TRPM3: variants seen among roughly 807,000 people sequenced by gnomAD.
The protein encoded by TRPM3 is transient receptor potential cation channel subfamily M member 3.
Under a neutral mutation model 181.2 loss-of-function variants are expected in TRPM3, and 77 were observed. The ratio of observed to expected loss-of-function variants is 0.42; its 90% confidence interval spans 0.35 to 0.51. The LOEUF (loss-of-function observed/expected upper bound fraction) is 0.51, where lower values mean the gene tolerates loss of function less well. Ranked by LOEUF, TRPM3 falls within the 20% of genes least tolerant of loss-of-function variation. The pLI, the probability that TRPM3 is intolerant of heterozygous loss-of-function variation, is 0.01. For synonymous variants in TRPM3, 745 were observed against 796.4 expected, an observed-to-expected ratio of 0.94 and a Z score of 1.09; for missense variants, 1,759 against 2,196.7, an observed-to-expected ratio of 0.80 and a Z score of 3.98.
At chr9:71,004,599 C>G (rs2097653440) in intron 1 of TRPM3, among the ~76,000 whole-genome samples, 1 of 151,998 alleles carries the variant, frequency 6.6e-6, no homozygotes, top group Non-Finnish European at 1.5e-5. Flanking sequence ...TATGACATCA[C>G]CAAAAGAAAC....
At chr9:70,623,836 TA>T (rs1210829488) in intron 14 of TRPM3, among the ~76,000 whole-genome samples, 2 of 151,878 alleles carry the variant, frequency 1.3e-5, no homozygotes, top group Non-Finnish European at 2.9e-5. Flanking sequence ...GAAATGCACT[TA>T]TGCGATTGTT....
At chr9:71,132,477 T>C (rs926265561) in intron 1 of TRPM3, among the ~76,000 whole-genome samples, 10 of 152,118 alleles carry the variant, frequency 6.6e-5, no homozygotes, top group African/African-American at 1.7e-4. Context: ...GGAGATTAAA[T>C]CAACTACAAA....
chr9:70,553,509 G>A (rs2046934255), intron 22 of TRPM3, among the ~76,000 whole-genome samples, 199 bp from the exon 23 acceptor site: 1 of 152,112 alleles, frequency 6.6e-6, no homozygotes, highest in Non-Finnish European at 1.5e-5. Flanking sequence ...GTGGTGGGGG[G>A]CCTCGGTTCC....
At chr9:70,828,371 T>C (rs755721495) in intron 5 of TRPM3, among the ~76,000 whole-genome samples, 3 of 152,196 alleles carry the variant, frequency 2.0e-5, no homozygotes, top group Non-Finnish European at 4.4e-5. Context: ...TCTAGTTATT[T>C]TGTTTCTTTC....
chr9:71,234,235 G>C (rs531399332), intron 1 of TRPM3, among the ~76,000 whole-genome samples: 1 of 152,284 alleles, frequency 6.6e-6, no homozygotes, highest in Admixed American at 6.5e-5. Flanking sequence ...TTTCTCCAGA[G>C]CAAGTGATCC....
At chr9:70,565,479 G>C (rs1178114271) in intron 22 of TRPM3, among the ~76,000 whole-genome samples, 3 of 152,076 alleles carry the variant, frequency 2.0e-5, no homozygotes, top group African/African-American at 7.2e-5. Context: ...TTTTAGTAGA[G>C]ACAAGGTTTT....
intron 22 of TRPM3, among the ~76,000 whole-genome samples, chr9:70,571,549 T>C (rs540819136): frequency 6.6e-5 from 10 of 152,106 alleles, no homozygotes; most frequent in Non-Finnish European, 1.3e-4. Flanking sequence ...GTGAACCATA[T>C]GCACTTTTTG....
chr9:70,996,685 G>A (rs2097544090), intron 1 of TRPM3, among the ~76,000 whole-genome samples: 1 of 152,140 alleles, frequency 6.6e-6, no homozygotes. Flanking sequence ...TGGTTTGAGA[G>A]TTTATTTGAA....
intron 1 of TRPM3, among the ~76,000 whole-genome samples, chr9:71,162,805 G>T (rs1012163152): frequency 2.0e-5 from 3 of 152,170 alleles, no homozygotes; most frequent in African/African-American, 7.2e-5. Flanking sequence ...AAAGTAAACA[G>T]ATTATTCCAG....
At chr9:70,749,442 T>C (rs910414690) in intron 8 of TRPM3, among the ~76,000 whole-genome samples, 18 of 152,186 alleles carry the variant, frequency 1.2e-4, no homozygotes, top group Admixed American at 9.8e-4. Context: ...AAAGCTATTT[T>C]TTTTCTTTTT....
At chr9:71,427,448 C>T (rs1174453229) in intron 1 of TRPM3, among the ~76,000 whole-genome samples, 1 of 152,056 alleles carries the variant, frequency 6.6e-6, no homozygotes, top group African/African-American at 2.4e-5. Context: ...CGAGAACCAC[C>T]ATCATAGATA....
intron 7 of TRPM3, among the ~76,000 whole-genome samples, chr9:70,763,179 C>T (rs760136541): frequency 3.9e-5 from 6 of 152,050 alleles, no homozygotes; most frequent in Non-Finnish European, 7.4e-5. Flanking sequence ...GTCACCCCTT[C>T]CCCCACTCCT....
intron 1 of TRPM3, among the ~76,000 whole-genome samples, chr9:71,314,131 A>T (rs1179244148): frequency 6.6e-6 from 1 of 152,132 alleles, no homozygotes; most frequent in Non-Finnish European, 1.5e-5. Flanking sequence ...TAATGGTGTG[A>T]TGAATATCTT....
chr9:71,200,401 G>A (rs12375989), intron 1 of TRPM3, among the ~76,000 whole-genome samples: 61,990 of 147,494 alleles, frequency 0.42, 13,434 homozygotes, highest in East Asian at 0.51. Context: ...GCTTGGTGCA[G>A]AGCTGAGTTC....
intron 1 of TRPM3, among the ~76,000 whole-genome samples, chr9:71,372,754 T>C (rs1419855388): frequency 6.6e-6 from 1 of 152,146 alleles, no homozygotes; most frequent in Non-Finnish European, 1.5e-5. Context: ...AATACCCCAA[T>C]TCAAAGACAC....
chr9:71,046,775 A>G (rs1296015858), intron 1 of TRPM3, among the ~76,000 whole-genome samples: 1 of 152,258 alleles, frequency 6.6e-6, no homozygotes, highest in Non-Finnish European at 1.5e-5. Context: ...AAAGTGTTGT[A>G]AAAGCAACAT....
chr9:70,864,337 G>T, intron 2 of TRPM3, 95 bp downstream of exon 2: 2 of 784,352 alleles, frequency 2.5e-6, no homozygotes, highest in Non-Finnish European at 3.9e-6. Context: ...TATTTAATTT[G>T]ACAGTGTTTC....
chr9:70,846,239 G>C, intron 4 of TRPM3, 139 bp downstream of exon 4: 1 of 733,140 alleles, frequency 1.4e-6, no homozygotes, highest in Non-Finnish European at 2.4e-6. Context: ...ATAAAGGAGG[G>C]AGTGATAACC....
intron 1 of TRPM3, among the ~76,000 whole-genome samples, chr9:71,062,592 T>C (rs2061453900): frequency 6.6e-6 from 1 of 152,146 alleles, no homozygotes; most frequent in Non-Finnish European, 1.5e-5. Flanking sequence ...AAATTCAATA[T>C]ACTTACTGCT....
Sources: allele counts gnomAD v4.1 joint callset (sites outside exome capture counted in the v4.1 genomes callset), GRCh38; gene constraint gnomAD v4.1.1; transcripts MANE v1.5; gene names NCBI Gene and HGNC (gene_info 2026-07-23, HGNC 2026-07-21).